BAG6: variants seen among roughly 807,000 people sequenced by gnomAD.
BAG6 encodes the protein BAG cochaperone 6, also known as large proline-rich protein BAG6.
BAG6 carries 22 observed loss-of-function variants against 121.0 expected under a neutral mutation model. The ratio of observed to expected loss-of-function variants is 0.18; its 90% CI spans 0.13 to 0.26. BAG6 has a LOEUF of 0.26. Ranked by LOEUF, BAG6 falls within the 10% of genes least tolerant of loss-of-function variation. The pLI is 1.00. For missense variants in BAG6, 1,233 were observed against 1,537.7 expected (o/e 0.80, Z 3.31); for synonymous variants, 583 against 584.6 (o/e 1.00, Z 0.04).
chr6:31,649,882 A>C (rs1463334523), intron 2 of BAG6, among the ~76,000 whole-genome samples: 1 of 152,182 alleles, frequency 6.6e-6, no homozygotes, highest in Non-Finnish European at 1.5e-5. Context: ...CAGGCAGATC[A>C]CATTAGGTCA....
chr6:31,642,251 G>A lies in BAG6; in HGVS notation c.2196C>T (p.Thr732=). ...AGCTGAGCACACCCTGCACCACTGA[G>A]GTAAAAAACTCCGGTGACAGGCTCT... The part of the protein sequence containing the change: ...GLESLSPEFF[T]SVVQGVLSSL... Residue 732 remains threonine (T), a synonymous_variant, in exon 16 of 26, where the codon ACC becomes ACT. Transcript: ENST00000676615. 1 of 1,612,326 alleles carries A rather than the reference G, an allele frequency of 6.2e-7. No individual in the cohort carries two copies. The highest frequency in any genetic ancestry group is 8.5e-7 in the Non-Finnish European group (1 of 1,179,724).
chr6:31,641,416 C>T lies in BAG6; in HGVS notation c.2566G>A (p.Val856Met). The T allele has an allele frequency of 6.2e-7, 1 of 1,614,202 alleles. No homozygotes were observed. The highest frequency in any genetic ancestry group is 8.5e-7 in the Non-Finnish European group (1 of 1,180,038). ...EEYVRESFSL[V>M]QVQPGVDIIR... ...ATGTCCACACCTGGCTGAACCTGCA[C>T]CAAGGACTGAGAGACAAGATAACAC... Residue 856 changes from valine to methionine, a missense_variant, in exon 19 of 26, where the codon GTG becomes ATG. Val to Met is a conservative substitution (Grantham distance 21, BLOSUM62 1). Around this residue, in one of 7 missense-constraint regions of BAG6, gnomAD observed 288 missense variants for 483.1 expected, o/e 0.60. Coordinates refer to ENST00000676615, the MANE Select transcript of BAG6 (RefSeq NM_001387994.1). This position sits in a 1 kb window ranked among gnomAD's most constrained non-coding sequence, Gnocchi z 5.7.
intron 1 of BAG6, chr6:31,651,980 G>A: frequency 1.9e-6 from 1 of 515,800 alleles, no homozygotes. Flanking sequence ...TAGGGAGCTG[G>A]AGGACGAGAG....
In BAG6 at chr6:31,649,408, A is replaced by G. The variant is rs1231367106; in HGVS notation, c.227-13T>C. 1 of 1,603,702 alleles carries G rather than the reference A, an allele frequency of 6.2e-7. No individual in the cohort carries two copies. The highest frequency in any genetic ancestry group is 2.2e-5 in the East Asian group (1 of 44,786). ...TTTCCCCCAACATCTGCAGAAAAAT[A>G]GACACACACCAAAACATAGTATGAA... On this transcript the variant is annotated splice_polypyrimidine_tract_variant and intron_variant, in intron 3 of 25. Transcript: ENST00000676615.
At position 31,640,680 on chromosome 6, in the gene BAG6, C is replaced by T. The variant is rs762398479; in HGVS notation, c.2959G>A (p.Val987Ile). 2 of 1,613,030 alleles carry T rather than the reference C, an allele frequency of 1.2e-6. No individual in the cohort carries two copies. The highest frequency in any genetic ancestry group is 1.7e-6 in the Non-Finnish European group (2 of 1,180,020). The change falls in exon 22 of 26, where the codon GTT becomes ATT. Residue 987 changes from valine to isoleucine, a missense_variant. Coordinates refer to ENST00000676615, the MANE Select transcript of BAG6 (RefSeq NM_001387994.1). This position sits in a 1 kb window ranked among gnomAD's most constrained non-coding sequence, Gnocchi z 4.2. The stretch of plus-strand genomic sequence containing the variant: ...GGGGAAGCTCTTTCTGCTCCCTGAA[C>T]TTCCATTGGCTCCTCAGGAAGTGGC... Reference protein sequence around the residue: ...PQPLPEEPMEVQGAERASPEP... With the variant: ...PQPLPEEPMEIQGAERASPEP...
Position 31,644,704 on chromosome 6 carries a change from C to A in BAG6, c.1370-102G>T. ...TACTTCAGGCCCATAATCCCCCAAT[C>A]AGAAAGCCTGCCTTTCCCTCCATCT... On this transcript the variant is annotated intron_variant, in intron 10 of 25. Coordinates refer to ENST00000676615, the MANE Select transcript of BAG6 (RefSeq NM_001387994.1). The surrounding 1 kb of genome is among the most constrained non-coding windows in gnomAD (Gnocchi z 4.9). 7.4e-7 allele frequency: 1 copy of A among 1,351,694 alleles called. No homozygotes were observed. Among genetic ancestry groups the A allele is most frequent in the African/African-American group, 1.4e-5 (1 of 69,536 alleles). The allele number at this position is 1,351,694 out of a possible 1,614,324, so 83.7% of individuals were successfully genotyped here.
rs1024518981 is a variant in BAG6, at chr6:31,652,424, C to G, written c.-14G>C. Reference sequence around the variant, plus strand: ...CCGTCACTTCCGGTCTCCCCCAAACCTGCCACCGACGGCCACTTCCGTTTC... The same window carrying G: ...CCGTCACTTCCGGTCTCCCCCAAACGTGCCACCGACGGCCACTTCCGTTTC... On this transcript the variant is annotated splice_region_variant and 5_prime_UTR_variant, in exon 1 of 26. Coordinates refer to ENST00000676615, the MANE Select transcript of BAG6 (RefSeq NM_001387994.1). 4.6e-5 allele frequency: 7 copies of G among 152,814 alleles called. No homozygotes were observed. Among genetic ancestry groups the G allele is most frequent in the African/African-American group, 1.7e-4 (7 of 41,514 alleles). 9.5% of individuals were successfully genotyped at this position (152,814 alleles called of 1,614,324 possible). A position where few individuals can be genotyped will look rare whatever the true frequency, so the allele number is the denominator to read the frequency against.
intron 14 of BAG6, among the ~76,000 whole-genome samples, chr6:31,643,466 G>A (rs1171464942): frequency 6.6e-6 from 1 of 151,632 alleles, no homozygotes; most frequent in Non-Finnish European, 1.5e-5. Flanking sequence ...GCTCAAGCCT[G>A]TAATCCCAGC....
intron 2 of BAG6, among the ~76,000 whole-genome samples, chr6:31,650,359 G>C (rs1462427581): frequency 1.3e-5 from 2 of 151,784 alleles, no homozygotes; most frequent in Non-Finnish European, 2.9e-5. Context: ...GAAAGACTAA[G>C]AAGATAAGAA....
Position 31,646,436 on chromosome 6 carries a change from G to A in BAG6, c.876C>T (p.Tyr292=), listed in dbSNP as rs144038263. The change falls in exon 8 of 26, where the codon TAC becomes TAT. Residue 292 remains tyrosine, a synonymous_variant. Transcript: ENST00000676615. The stretch of plus-strand genomic sequence containing the variant: ...TGGTGGCAGCAGCACCCAGAACCTC[G>A]TAGTAGCGCTGCAAGAAGGGCTGGA... ...SRLQPFLQRY[Y]EVLGAAATTD... is the part of the protein sequence containing the mutation. 359 of 1,612,968 alleles carry A rather than the reference G, an allele frequency of 2.2e-4. No individual in the cohort carries two copies. The highest frequency in any genetic ancestry group is 1.6e-4 in the Non-Finnish European group (187 of 1,180,016).
Position 31,645,065 on chromosome 6 carries a change from G to A in BAG6, c.1250C>T (p.Ser417Leu). 1 of 1,612,950 alleles carries A rather than the reference G, an allele frequency of 6.2e-7. No homozygotes were observed. The highest frequency in any genetic ancestry group is 8.5e-7 in the Non-Finnish European group (1 of 1,180,000). Residue 417 changes from serine (S) to leucine (L), a missense_variant, in exon 10 of 26, where the codon TCA becomes TTA. Physicochemically the swap from Ser to Leu is moderately radical, Grantham distance 145 (BLOSUM62 -2). Coordinates refer to ENST00000676615, the MANE Select transcript of BAG6 (RefSeq NM_001387994.1). ...VAPSSTNVES[S>L]AEGAPPPGPA... is the part of the protein sequence containing the mutation. ...ACCTGGCGGGGGAGCCCCCTCAGCTGAGGACTCGACATTGGTAGAAGACGG... is the reference window on the plus strand; with the variant it reads ...ACCTGGCGGGGGAGCCCCCTCAGCTAAGGACTCGACATTGGTAGAAGACGG...
chr6:31,652,357 A>ACACACACACACACACACC (rs878991736), intron 1 of BAG6, 67 bp downstream of exon 1: 15 of 143,068 alleles, frequency 1.0e-4, no homozygotes, highest in Non-Finnish European at 1.9e-4. Context: ...ACACACACAC[A>ACACACACACACACACACC]CACCCACCAC....
Position 31,640,473 on chromosome 6 carries a change from C to T in BAG6, c.3050G>A (p.Gly1017Asp). The T allele has an allele frequency of 6.2e-7, 1 of 1,613,300 alleles. No individual in the cohort carries two copies. The change falls in exon 23 of 26, where the codon GGT (glycine) becomes GAT (aspartate). Residue 1017 changes from glycine (G) to aspartate (D), a missense_variant. By Grantham distance (94) the Gly-to-Asp change is moderately conservative. Around this residue, in one of 7 missense-constraint regions of BAG6, gnomAD observed 288 missense variants for 483.1 expected, o/e 0.60. Transcript: ENST00000676615. The surrounding 1 kb of genome is among the most constrained non-coding windows in gnomAD (Gnocchi z 4.2). ...GTTAEEAMSRGPPPAPEGGSR... is the reference protein window; with the variant it reads ...GTTAEEAMSRDPPPAPEGGSR... ...GCCCCCCTCAGGAGCAGGAGGTGGA[C>T]CTCGGGACATGGCCTCTTCTGCTGT...
At chr6:31,651,619 GCTAAAGGTGT>G in intron 2 of BAG6, 27 bp downstream of exon 2, 1 of 1,575,302 alleles carries the variant, frequency 6.3e-7, no homozygotes, top group East Asian at 2.2e-5. Context: ...ACGAGGAAAA[GCTAAAGGTGT>G]CTTCCAGAAC....
At position 31,640,502 on chromosome 6, in the gene BAG6, T is replaced by C. The variant is rs746834815; in HGVS notation, c.3021A>G (p.Gly1007=). ...GGGACATGGCCTCTTCTGCTGTTGTTCCAGGGGCTGGGGAAGCATTCTCCC... is the reference window on the plus strand; with the variant it reads ...GGGACATGGCCTCTTCTGCTGTTGTCCCAGGGGCTGGGGAAGCATTCTCCC... The part of the protein sequence containing the change: ...PQRENASPAP[G]TTAEEAMSRG... The change falls in exon 23 of 26, where the codon GGA becomes GGG. Residue 1007 remains glycine, a synonymous_variant. Transcript: ENST00000676615. This position sits in a 1 kb window ranked among gnomAD's most constrained non-coding sequence, Gnocchi z 4.2. 6.2e-7 allele frequency: 1 copy of C among 1,613,022 alleles called. No homozygotes were observed. The highest frequency in any genetic ancestry group is 8.5e-7 in the Non-Finnish European group (1 of 1,180,014).
intron 2 of BAG6, among the ~76,000 whole-genome samples, chr6:31,651,434 G>A (rs769919319): frequency 2.0e-5 from 3 of 152,146 alleles, no homozygotes; most frequent in South Asian, 2.1e-4. Flanking sequence ...AGCTACTCAG[G>A]AGGCTGAGAT....
rs1402738980 is a variant in BAG6 at position 31,652,459 on chromosome 6, AT to A, written c.-50del. 6.6e-6 allele frequency: 1 copy of A among 151,424 alleles called. No individual in the cohort carries two copies. The highest frequency in any genetic ancestry group is 1.9e-4 in the East Asian group (1 of 5,132). 9.4% of individuals were successfully genotyped at this position (151,424 alleles called of 1,614,324 possible). ...CGGCCACTTCCGTTTCCCCGATAGT[AT>A]TTGGGGATCTCGAAGCGATACTTCC... On this transcript the variant is annotated 5_prime_UTR_variant, in exon 1 of 26. Transcript: ENST00000676615.
chr6:31,645,595 G>C lies in BAG6; in HGVS notation c.928C>G (p.Arg310Gly), dbSNP rs1191281878. ...TTGATCAACCGCTGATCCTCCTCCC[G>C]GCCCTCGTGCTGCGCACAACCAGCC... is the stretch of plus-strand genomic sequence containing the variant. ...TTDYNNNHEGREEDQRLINLV... is the reference protein window; with the variant it reads ...TTDYNNNHEGGEEDQRLINLV... Residue 310 changes from arginine (R) to glycine (G), a missense_variant, in exon 9 of 26, where the codon CGG (arginine) becomes GGG (glycine). Physicochemically the swap from Arg to Gly is moderately radical, Grantham distance 125. Coordinates refer to ENST00000676615, the MANE Select transcript of BAG6 (RefSeq NM_001387994.1). 6.2e-7 allele frequency: 1 copy of C among 1,613,006 alleles called. No individual in the cohort carries two copies. The highest frequency in any genetic ancestry group is 8.5e-7 in the Non-Finnish European group (1 of 1,179,998).
intron 15 of BAG6, 95 bp downstream of exon 15, chr6:31,642,734 C>G (rs1027656216): frequency 6.3e-6 from 9 of 1,417,930 alleles, no homozygotes; most frequent in Non-Finnish European, 7.7e-6. Context: ...TCACTAGGGG[C>G]TCTTACCCAG....
Sources: gnomAD v4.1 joint callset for allele counts (sites outside exome capture counted in the v4.1 genomes callset) on GRCh38, gnomAD v4.1.1 for gene constraint, gnomAD v4.1.1 regional missense constraint, Gnocchi (gnomAD v3.1) non-coding constraint, MANE v1.5 for transcripts, NCBI Gene and HGNC (gene_info 2026-07-23, HGNC 2026-07-21) for gene names.